The following CHM variants were observed in gnomAD, a reference collection of about 807,000 sequenced individuals.
The protein encoded by CHM is rab proteins geranylgeranyltransferase component A 1.
Under a neutral mutation model 49.0 loss-of-function variants are expected in CHM, and 10 were observed. That is an observed-to-expected ratio of 0.20 (90% confidence interval 0.13 to 0.35). CHM has a LOEUF of 0.35. Ranked by LOEUF, CHM falls within the 10% of genes least tolerant of loss-of-function variation. The probability of loss-of-function intolerance (pLI) is 1.00; values close to 1 mark genes in which losing one functional copy is unlikely to be tolerated. For synonymous variants in CHM, 184 were observed against 167.5 expected (o/e 1.10, Z -0.76); for missense variants, 455 against 478.4 (o/e 0.95, Z 0.46).
intron 4 of CHM, among the ~76,000 whole-genome samples, chrX:85,978,103 A>C (rs1448092444): frequency 1.8e-5 from 2 of 111,684 alleles, no homozygotes; most frequent in Non-Finnish European, 3.8e-5. Context: ...ATTACCTTTT[A>C]ACCTGTCAAT....
chrX:85,907,819 T>A (rs1603246844), intron 9 of CHM, among the ~76,000 whole-genome samples: 1 of 112,052 alleles, frequency 8.9e-6, no homozygotes, highest in East Asian at 2.8e-4. Context: ...TAATCTTTAA[T>A]CATTTATTTA....
At position 85,863,401 on chromosome X, in the gene CHM, T is replaced by G. The variant is rs964226837; in HGVS notation, c.*1229A>C. On this transcript the variant is annotated 3_prime_UTR_variant, in exon 15 of 15. Transcript: ENST00000357749. ...CCTAACGTTTTTATGTAGTGTATAT[T>G]AGGGCTTACCAACTGTCATACACAA... 1 of 111,756 alleles carries G rather than the reference T, an allele frequency of 8.9e-6. No individual in the cohort carries two copies. Among genetic ancestry groups the G allele is most frequent in the Non-Finnish European group, 1.9e-5 (1 of 53,174 alleles). The allele number at this position is 111,756 out of a possible 1,213,427, so 9.2% of individuals were successfully genotyped here.
intron 1 of CHM, among the ~76,000 whole-genome samples, chrX:86,040,618 G>A (rs777500387): frequency 8.9e-6 from 1 of 112,193 alleles, no homozygotes; most frequent in East Asian, 2.8e-4. Context: ...AATCCAGTAT[G>A]AGATGAAACA....
intron 2 of CHM, among the ~76,000 whole-genome samples, chrX:85,985,524 C>T (rs1160167888): frequency 1.8e-5 from 2 of 111,482 alleles, no homozygotes; most frequent in Admixed American, 9.5e-5. Context: ...GGGACGGAAG[C>T]GGTCCACCAG....
chrX:86,034,402 G>A (rs1397939419), intron 1 of CHM, among the ~76,000 whole-genome samples: 1 of 111,699 alleles, frequency 9.0e-6, no homozygotes, highest in Non-Finnish European at 1.9e-5. Context: ...CCATAACAAA[G>A]CAAGGTGATA....
At chrX:86,035,994 C>T (rs1361348933) in intron 1 of CHM, among the ~76,000 whole-genome samples, 6 of 109,676 alleles carry the variant, frequency 5.5e-5, no homozygotes, top group Non-Finnish European at 7.6e-5. Context: ...GGGGTTTCAC[C>T]GTGTTAACCA....
chrX:85,951,530 A>C (rs1183200274), intron 8 of CHM, among the ~76,000 whole-genome samples: 2 of 111,945 alleles, frequency 1.8e-5, no homozygotes, highest in African/African-American at 6.5e-5. Flanking sequence ...CATAAAAACC[A>C]TAAGACAAAA....
intron 2 of CHM, among the ~76,000 whole-genome samples, chrX:85,997,815 T>C (rs1473831600): frequency 9.0e-6 from 1 of 111,098 alleles, no homozygotes; most frequent in Non-Finnish European, 1.9e-5. Context: ...CCAGGCGTGG[T>C]GGCACATGCT....
At chrX:86,027,043 A>C (rs773527279) in intron 2 of CHM, 1 of 116,866 alleles carries the variant, frequency 8.6e-6, no homozygotes, top group South Asian at 3.3e-4. Flanking sequence ...AAGACTTCCT[A>C]AGTTTAAATT....
chrX:86,028,604 TTGCCAAAGA>T (rs1933931904), intron 1 of CHM, among the ~76,000 whole-genome samples: 1 of 111,785 alleles, frequency 8.9e-6, no homozygotes, highest in Admixed American at 9.5e-5. Context: ...AAATTAAAAA[TTGCCAAAGA>T]TAATGATGTT....
chrX:85,946,163 A>T (rs1481995150), intron 8 of CHM, among the ~76,000 whole-genome samples: 2 of 112,686 alleles, frequency 1.8e-5, no homozygotes, highest in East Asian at 5.6e-4. Flanking sequence ...AGAGTGTAAA[A>T]GTTTAGAAAA....
intron 2 of CHM, among the ~76,000 whole-genome samples, chrX:86,002,121 T>C (rs1932753179): frequency 8.9e-6 from 1 of 111,872 alleles, no homozygotes; most frequent in Non-Finnish European, 1.9e-5. Context: ...TGAGCAAAGA[T>C]GATATATGCC....
chrX:86,020,859 T>C (rs1301693160), intron 2 of CHM, among the ~76,000 whole-genome samples: 1 of 101,685 alleles, frequency 9.8e-6, no homozygotes, highest in African/African-American at 3.5e-5. Flanking sequence ...ATATATATCA[T>C]ATTTATATAT....
chrX:85,879,372 GAGAACAC>G (rs1924621474), intron 12 of CHM, among the ~76,000 whole-genome samples: 1 of 111,820 alleles, frequency 8.9e-6, no homozygotes, highest in Non-Finnish European at 1.9e-5. Context: ...ATTTACCTAA[GAGAACAC>G]ACTTCATATA....
intron 11 of CHM, among the ~76,000 whole-genome samples, chrX:85,899,377 G>A (rs1926103903): frequency 9.0e-6 from 1 of 111,055 alleles, no homozygotes; most frequent in Non-Finnish European, 1.9e-5. Context: ...ATTGCCATAG[G>A]GTTGGCTACT....
intron 4 of CHM, chrX:85,970,970 AAATTT>A (rs749947996): frequency 1.2e-5 from 8 of 694,795 alleles, no homozygotes; most frequent in Admixed American, 1.8e-4. Context: ...CCAACGTATT[AAATTT>A]AATGTTGAAA....
intron 2 of CHM, 127 bp from the exon 3 acceptor site, chrX:85,981,936 T>C (rs1931644544): frequency 1.8e-6 from 1 of 551,873 alleles, no homozygotes; most frequent in Admixed American, 3.7e-5. Context: ...GCCTCAAGAG[T>C]TCAAAAGTAC....
intron 8 of CHM, among the ~76,000 whole-genome samples, chrX:85,913,379 A>AGAAAGAAAGAAG (rs1267103013): frequency 9.7e-6 from 1 of 102,682 alleles, no homozygotes; most frequent in African/African-American, 3.5e-5. Flanking sequence ...AAAGAAAGAA[A>AGAAAGAAAGAAG]GAAAGAAAAA....
At chrX:85,880,908 T>TCTA (rs1431672534) in intron 12 of CHM, among the ~76,000 whole-genome samples, 1 of 111,874 alleles carries the variant, frequency 8.9e-6, no homozygotes, top group Non-Finnish European at 1.9e-5. Context: ...TAGGTCACCT[T>TCTA]CTAGTATAGA....
Sources: allele counts gnomAD v4.1 joint callset (sites outside exome capture counted in the v4.1 genomes callset), GRCh38; gene constraint gnomAD v4.1.1; transcripts MANE v1.5; gene names NCBI Gene and HGNC (gene_info 2026-07-23, HGNC 2026-07-21).